The following KCNT2 variants were observed in gnomAD, a reference collection of about 807,000 sequenced individuals.
The protein encoded by KCNT2 is potassium sodium-activated channel subfamily T member 2.
Under a neutral mutation model 153.8 loss-of-function variants are expected in KCNT2, and 67 were observed. That is an observed-to-expected ratio of 0.44 (90% CI 0.36 to 0.53). The LOEUF (loss-of-function observed/expected upper bound fraction) is 0.53. KCNT2 is among the 20% of genes least tolerant of loss of function. The probability of loss-of-function intolerance (pLI) is 0.00; values close to 1 mark genes in which losing one functional copy is unlikely to be tolerated. For missense variants in KCNT2, 975 were observed against 1,354.8 expected (o/e 0.72, Z 4.40); for synonymous variants, 500 against 458.8 (o/e 1.09, Z -1.15).
chr1:196,515,853 G>A (rs1285329060), intron 1 of KCNT2, among the ~76,000 whole-genome samples: 1 of 152,080 alleles, frequency 6.6e-6, no homozygotes, highest in Admixed American at 6.6e-5. Context: ...CCCAACCCAG[G>A]GAAGTGGTGA....
chr1:196,442,218 G>C (rs1264368429), intron 8 of KCNT2, among the ~76,000 whole-genome samples: 1 of 151,756 alleles, frequency 6.6e-6, no homozygotes, highest in African/African-American at 2.4e-5. Flanking sequence ...AGTAAATAAA[G>C]GCAACCTGGT....
chr1:196,388,295 T>G (rs1305448996), intron 13 of KCNT2, among the ~76,000 whole-genome samples: 3 of 151,824 alleles, frequency 2.0e-5, no homozygotes, highest in African/African-American at 7.2e-5. Flanking sequence ...CATGCTGTCT[T>G]TAATACTTTA....
chr1:196,237,533 A>G (rs953389491), intron 26 of KCNT2, among the ~76,000 whole-genome samples: 1 of 151,730 alleles, frequency 6.6e-6, no homozygotes, highest in Non-Finnish European at 1.5e-5. Context: ...AAAATAGAGA[A>G]TGCCCATGAA....
intron 25 of KCNT2, among the ~76,000 whole-genome samples, chr1:196,269,416 G>A (rs1657857578): frequency 1.3e-5 from 2 of 152,078 alleles, no homozygotes; most frequent in African/African-American, 4.8e-5. Flanking sequence ...GTAGGCCAGA[G>A]GGGCTATCAC....
At chr1:196,492,126 A>T in intron 2 of KCNT2, 136 bp downstream of exon 2, 2 of 844,498 alleles carry the variant, frequency 2.4e-6, no homozygotes, top group Non-Finnish European at 3.3e-6. Context: ...AACCAATTTT[A>T]TTCCTCTACC....
Position 196,294,832 on chromosome 1 carries a change from T to TA in KCNT2, c.2596-9075dup, listed in dbSNP as rs925407001. On this transcript the variant is annotated intron_variant, in intron 22 of 27. Coordinates refer to ENST00000294725, the MANE Select transcript of KCNT2 (RefSeq NM_198503.5). The stretch of plus-strand genomic sequence containing the variant: ...ATACATAATGGAATACTATTTTGCC[T>TA]AAAAAAAAATTATGTCATTAAAATT... Among the ~76,000 whole-genome samples, 59 of 150,230 alleles carry TA rather than the reference T, an allele frequency of 3.9e-4. 1 individual carries two copies. The highest frequency in any genetic ancestry group is 1.7e-4 in the African/African-American group (7 of 40,988).
intron 1 of KCNT2, among the ~76,000 whole-genome samples, chr1:196,493,695 C>T (rs1386878757): frequency 1.3e-5 from 2 of 152,098 alleles, no homozygotes; most frequent in African/African-American, 4.8e-5. Context: ...CTAATGCTAT[C>T]CCTTCCCCAG....
chr1:196,282,615 T>C (rs1242031152), intron 23 of KCNT2, among the ~76,000 whole-genome samples: 1 of 152,188 alleles, frequency 6.6e-6, no homozygotes, highest in African/African-American at 2.4e-5. Context: ...ATTTTATGTG[T>C]GTTATTAGGC....
intron 14 of KCNT2, among the ~76,000 whole-genome samples, chr1:196,347,752 A>G (rs1297098845): frequency 6.6e-6 from 1 of 152,144 alleles, no homozygotes; most frequent in Non-Finnish European, 1.5e-5. Context: ...AGCCATTAGA[A>G]GTCTTTAATT....
At chr1:196,551,805 T>A (rs1657942660) in intron 1 of KCNT2, among the ~76,000 whole-genome samples, 1 of 151,614 alleles carries the variant, frequency 6.6e-6, no homozygotes, top group African/African-American at 2.4e-5. Flanking sequence ...GAATATCCAC[T>A]GTGGGCTCAT....
At chr1:196,338,414 A>G (rs1665244385) in intron 16 of KCNT2, among the ~76,000 whole-genome samples, 1 of 152,074 alleles carries the variant, frequency 6.6e-6, no homozygotes. Flanking sequence ...TTATTTTCTA[A>G]ACTAGGATAC....
intron 3 of KCNT2, among the ~76,000 whole-genome samples, chr1:196,488,942 T>C (rs1679646394): frequency 6.6e-6 from 1 of 151,986 alleles, no homozygotes; most frequent in African/African-American, 2.4e-5. Context: ...AAGATACTCC[T>C]AAGCCAGAGT....
intron 1 of KCNT2, among the ~76,000 whole-genome samples, chr1:196,569,260 A>T (rs1018892016): frequency 6.6e-6 from 1 of 152,060 alleles, no homozygotes; most frequent in South Asian, 2.1e-4. Context: ...ACTTCCTATC[A>T]TTTCAGGATC....
At chr1:196,284,301 C>G (rs55633678) in intron 23 of KCNT2, among the ~76,000 whole-genome samples, 13 of 101,834 alleles carry the variant, frequency 1.3e-4, no homozygotes, top group Middle Eastern at 7.6e-3. Context: ...CTCTTTCTTC[C>G]GAAGTTTCAG....
chr1:196,592,709 A>G (rs1663525601), intron 1 of KCNT2, among the ~76,000 whole-genome samples: 1 of 147,134 alleles, frequency 6.8e-6, no homozygotes, highest in African/African-American at 2.5e-5. Context: ...GTATATACAC[A>G]TATATAAATA....
At chr1:196,565,924 T>G (rs1660051787) in intron 1 of KCNT2, among the ~76,000 whole-genome samples, 1 of 151,826 alleles carries the variant, frequency 6.6e-6, no homozygotes, top group Non-Finnish European at 1.5e-5. Flanking sequence ...TTGTAGTTAA[T>G]AACAATGTAT....
At chr1:196,480,787 C>A (rs1279531477) in intron 4 of KCNT2, among the ~76,000 whole-genome samples, 1 of 124,660 alleles carries the variant, frequency 8.0e-6, no homozygotes, top group Non-Finnish European at 1.6e-5. Flanking sequence ...ACCCAGGAGG[C>A]GGAGCTTGCA....
intron 13 of KCNT2, among the ~76,000 whole-genome samples, chr1:196,392,420 A>G (rs2148416504): frequency 6.6e-6 from 1 of 151,554 alleles, no homozygotes; most frequent in Middle Eastern, 3.4e-3. Context: ...TTATATTTTG[A>G]AAATATAACA....
chr1:196,476,123 C>T (rs951426356), intron 5 of KCNT2, among the ~76,000 whole-genome samples: 2 of 152,134 alleles, frequency 1.3e-5, no homozygotes, highest in African/African-American at 4.8e-5. Context: ...AAACACCAAT[C>T]TTAATTTCAT....
Sources: allele counts gnomAD v4.1 joint callset (sites outside exome capture counted in the v4.1 genomes callset), GRCh38; gene constraint gnomAD v4.1.1; transcripts MANE v1.5; gene names NCBI Gene and HGNC (gene_info 2026-07-23, HGNC 2026-07-21).